The following FOXJ3 variants were observed in gnomAD, a reference collection of about 807,000 sequenced individuals.
FOXJ3 encodes the protein forkhead box J3.
Under a neutral mutation model 76.1 loss-of-function variants are expected in FOXJ3, and 22 were observed. That is an observed-to-expected ratio of 0.29 (90% CI 0.21 to 0.41). The LOEUF (loss-of-function observed/expected upper bound fraction) is 0.41, where lower values mean the gene tolerates loss of function less well. Among genes scored for constraint, FOXJ3 ranks in the 10% least tolerant of loss-of-function variants. FOXJ3 has a pLI of 1.00. For missense variants in FOXJ3, 613 were observed against 762.1 expected, an observed-to-expected ratio of 0.80 and a Z score of 2.30; for synonymous variants, 269 against 261.2, an observed-to-expected ratio of 1.03 and a Z score of -0.29.
At chr1:42,232,386 A>G (rs1217785982) in intron 4 of FOXJ3, among the ~76,000 whole-genome samples, 9 of 149,312 alleles carry the variant, frequency 6.0e-5, no homozygotes, top group African/African-American at 2.0e-4. Context: ...GACTTCCACA[A>G]TGGTTGAACT....
rs185277108 is a variant in FOXJ3, at chr1:42,292,810, A to G, written c.45-14138T>C. On this transcript the variant is annotated intron_variant, in intron 2 of 12. Transcript: ENST00000361346. ...CAGTGAAGCTGTTTTTAAAAAACAA[A>G]TATTTGTGGGCTCAGCATGGTGGCT... Among the ~76,000 whole-genome samples the G allele has an allele frequency of 2.0e-5, 3 of 152,280 alleles. No individual in the cohort carries two copies. The East Asian group carries it at 5.8e-4, about 29-fold the overall frequency.
At chr1:42,230,680 A>C (rs1648011482) in intron 4 of FOXJ3, among the ~76,000 whole-genome samples, 1 of 152,168 alleles carries the variant, frequency 6.6e-6, no homozygotes, top group Non-Finnish European at 1.5e-5. Context: ...TTTGTATTTC[A>C]AATTTTCAGA....
In FOXJ3 at chr1:42,258,540, TAAC is replaced by T. The variant is rs764442572; in HGVS notation, c.444+6572_444+6574del. On this transcript the variant is annotated intron_variant, in intron 4 of 12. Transcript: ENST00000361346. ...CTAGTTGACCGAATGAACATGTGGA[TAAC>T]AACTATTCCAATGCCTGCTTAGGTC... Among the ~76,000 whole-genome samples the T allele has an allele frequency of 4.5e-4, 69 of 152,336 alleles. 1 individual carries two copies. The highest frequency in any genetic ancestry group is 7.2e-4 in the Non-Finnish European group (49 of 68,024).
At chr1:42,197,089 G>A (rs1411324109) in intron 7 of FOXJ3, among the ~76,000 whole-genome samples, 1 of 152,120 alleles carries the variant, frequency 6.6e-6, no homozygotes, top group African/African-American at 2.4e-5. Flanking sequence ...ATCAAGGAAC[G>A]TCTTTCTCTT....
At chr1:42,291,083 T>TAGATAGATAGATAGACAGAC (rs1553167260) in intron 2 of FOXJ3, among the ~76,000 whole-genome samples, 14 of 126,386 alleles carry the variant, frequency 1.1e-4, no homozygotes, top group South Asian at 2.7e-4. Flanking sequence ...GATAGATAGA[T>TAGATAGATAGATAGACAGAC]AGACAGACAG....
intron 2 of FOXJ3, among the ~76,000 whole-genome samples, chr1:42,300,534 G>A (rs1473302721): frequency 2.0e-5 from 3 of 152,150 alleles, no homozygotes; most frequent in Non-Finnish European, 4.4e-5. Flanking sequence ...CCAGTATGTT[G>A]AGAGGCCAAG....
At chr1:42,194,740 G>A (rs929664884) in intron 8 of FOXJ3, 150 bp downstream of exon 8, 5 of 575,214 alleles carry the variant, frequency 8.7e-6, no homozygotes, top group Admixed American at 3.4e-5. Context: ...ATAGAACACA[G>A]TAAAGGCACA....
intron 4 of FOXJ3, among the ~76,000 whole-genome samples, chr1:42,258,754 A>G (rs949206668): frequency 7.2e-5 from 11 of 152,240 alleles, no homozygotes; most frequent in Admixed American, 5.9e-4. Flanking sequence ...CATCCTATTA[A>G]GGGATTAACA....
intron 3 of FOXJ3, among the ~76,000 whole-genome samples, chr1:42,277,894 G>A (rs1261093853): frequency 6.7e-6 from 1 of 148,724 alleles, no homozygotes; most frequent in Non-Finnish European, 1.5e-5. Flanking sequence ...GGAGAATGGC[G>A]TGAACCCAGA....
chr1:42,199,434 G>A (rs184506247), intron 6 of FOXJ3, among the ~76,000 whole-genome samples: 61 of 152,226 alleles, frequency 4.0e-4, no homozygotes, highest in Non-Finnish European at 6.5e-4. Context: ...TAAAGGACAT[G>A]TCTTTCAGAG....
At chr1:42,193,964 G>C (rs1646600468) in intron 8 of FOXJ3, among the ~76,000 whole-genome samples, 1 of 152,174 alleles carries the variant, frequency 6.6e-6, no homozygotes, top group Non-Finnish European at 1.5e-5. Flanking sequence ...TCAGCTCCAT[G>C]TGAGAATACC....
chr1:42,243,328 T>A (rs116449884), intron 4 of FOXJ3, among the ~76,000 whole-genome samples: 561 of 151,960 alleles, frequency 3.7e-3, no homozygotes, highest in Middle Eastern at 0.031. Flanking sequence ...CAAATTGCAA[T>A]AATAAGCAAC....
At chr1:42,221,139 C>T (rs192539376) in intron 5 of FOXJ3, among the ~76,000 whole-genome samples, 1 of 152,282 alleles carries the variant, frequency 6.6e-6, no homozygotes, top group Non-Finnish European at 1.5e-5. Flanking sequence ...AGCATTCAAT[C>T]TATGGCAAAA....
intron 4 of FOXJ3, among the ~76,000 whole-genome samples, chr1:42,248,534 C>CA (rs4019586): frequency 0.015 from 2,103 of 135,942 alleles, 43 homozygotes; most frequent in African/African-American, 0.051. Flanking sequence ...ACTGCGTCTC[C>CA]AAAAAAAAAA....
chr1:42,200,817 G>A (rs986192434), intron 6 of FOXJ3, among the ~76,000 whole-genome samples: 1 of 152,012 alleles, frequency 6.6e-6, no homozygotes, highest in Non-Finnish European at 1.5e-5. Flanking sequence ...TGGTCATTTA[G>A]ATTCTCATTT....
Position 42,324,089 on chromosome 1 carries a change from C to CACAG in FOXJ3, c.-18+10969_-18+10970insCTGT, listed in dbSNP as rs370060680. 3.9e-5 allele frequency among the ~76,000 whole-genome samples: 2 copies of CACAG among 50,844 alleles called. 1 individual carries two copies. The highest frequency in any genetic ancestry group is 7.9e-5 in the Non-Finnish European group (2 of 25,288). The allele number at this position is 50,844 out of a possible 152,430, so 33.4% of individuals were successfully genotyped here. On this transcript the variant is annotated intron_variant, in intron 1 of 12. Transcript: ENST00000361346. ...ACACAGTGTATATATAGTATATATACTGTATATATACTGTGTATATACACT... is the reference window on the plus strand; with the variant it reads ...ACACAGTGTATATATAGTATATATACACAGTGTATATATACTGTGTATATACACT...
At chr1:42,243,967 G>C (rs1649345968) in intron 4 of FOXJ3, among the ~76,000 whole-genome samples, 1 of 152,088 alleles carries the variant, frequency 6.6e-6, no homozygotes, top group Non-Finnish European at 1.5e-5. Context: ...ATTATGCCAA[G>C]TATAGTCTCA....
chr1:42,208,582 C>T (rs1446055083), intron 5 of FOXJ3, among the ~76,000 whole-genome samples: 1 of 152,168 alleles, frequency 6.6e-6, no homozygotes, highest in Non-Finnish European at 1.5e-5. Context: ...TAGCTAACAC[C>T]ATACTCAATG....
rs1655917113 is a variant in FOXJ3, at chr1:42,327,659, C to T, written c.-18+7400G>A. Among the ~76,000 whole-genome samples, 4 of 151,930 alleles carry T rather than the reference C, an allele frequency of 2.6e-5. No homozygotes were observed. In the South Asian group the frequency reaches 8.3e-4, roughly 32 times the overall value. ...ACAATAGTGCTAATTGGAAACAAGGCTTATTAGTGGTGTCAAAGGTCAGGT... is the reference window on the plus strand; with the variant it reads ...ACAATAGTGCTAATTGGAAACAAGGTTTATTAGTGGTGTCAAAGGTCAGGT... On this transcript the variant is annotated intron_variant, in intron 1 of 12. Transcript: ENST00000361346.
Sources: gnomAD v4.1 joint callset for allele counts (sites outside exome capture counted in the v4.1 genomes callset) on GRCh38, gnomAD v4.1.1 for gene constraint, MANE v1.5 for transcripts, NCBI Gene and HGNC (gene_info 2026-07-23, HGNC 2026-07-21) for gene names.